Variants in MAGI2 observed in about 807,000 individuals in gnomAD.
The protein encoded by MAGI2 is membrane associated guanylate kinase, WW and PDZ domain containing 2, also known as membrane-associated guanylate kinase, WW and PDZ domain-containing protein 2.
A neutral mutation model predicts 133.3 loss-of-function variants in MAGI2; 35 were observed. That is an observed-to-expected ratio of 0.26 (90% CI 0.20 to 0.35). The LOEUF is 0.35. Among genes scored for constraint, MAGI2 ranks in the 10% least tolerant of loss-of-function variants. The pLI is 1.00. For missense variants in MAGI2, 1,636 were observed against 1,863.4 expected (o/e 0.88, Z 2.25); for synonymous variants, 729 against 710.6 (o/e 1.03, Z -0.41).
intron 20 of MAGI2, among the ~76,000 whole-genome samples, chr7:78,093,136 C>CAAAAAAA (rs1157039018): frequency 6.2e-5 from 2 of 32,320 alleles, no homozygotes; most frequent in African/African-American, 1.5e-4. Flanking sequence ...ACTCCTTCTC[C>CAAAAAAA]AAAAAAAAAA....
intron 2 of MAGI2, among the ~76,000 whole-genome samples, chr7:78,820,879 T>C (rs1224104926): frequency 1.3e-5 from 2 of 151,962 alleles, no homozygotes; most frequent in East Asian, 3.8e-4. Context: ...ATATAGTAAC[T>C]TATTGTGTTT....
At chr7:78,036,419 AT>A (rs1235677452) in intron 21 of MAGI2, among the ~76,000 whole-genome samples, 16 of 568 alleles carry the variant, frequency 0.028, no homozygotes, top group Non-Finnish European at 0.058. Flanking sequence ...AATAATAATG[AT>A]GGTAAAAAAA....
chr7:78,626,807 C>T (rs1196943104), intron 3 of MAGI2, among the ~76,000 whole-genome samples: 1 of 144,414 alleles, frequency 6.9e-6, no homozygotes, highest in African/African-American at 2.6e-5. Flanking sequence ...CCTCAGGAGA[C>T]AAGCACAAGA....
At chr7:78,301,633 T>C (rs1797834385) in intron 9 of MAGI2, among the ~76,000 whole-genome samples, 1 of 152,244 alleles carries the variant, frequency 6.6e-6, no homozygotes, top group South Asian at 2.1e-4. Flanking sequence ...CTTTGTTTCT[T>C]ATTCATTCTC....
At chr7:78,251,800 A>G (rs1407438014) in intron 10 of MAGI2, 2 of 152,234 alleles carry the variant, frequency 1.3e-5, no homozygotes, top group Admixed American at 1.3e-4. Flanking sequence ...TATAGATGCA[A>G]TGAAACACCC....
intron 1 of MAGI2, among the ~76,000 whole-genome samples, chr7:79,056,760 G>C (rs780616980): frequency 6.6e-5 from 10 of 152,160 alleles, no homozygotes; most frequent in Non-Finnish European, 8.8e-5. Context: ...ATATGTCACA[G>C]TATTCATTAG....
chr7:78,739,653 C>T lies in MAGI2; in HGVS notation c.419-112414G>A, dbSNP rs539005895. Among the ~76,000 whole-genome samples the T allele has an allele frequency of 8.3e-4, 126 of 152,258 alleles. 4 individuals are homozygous for T. In the South Asian group the frequency reaches 0.025, roughly 31 times the overall value. Reference sequence around the variant, plus strand: ...AGCTTCTATTGGCTTATAATTATTACCCAGAATCATTCCTAGGGCTTAAAC... The same window carrying T: ...AGCTTCTATTGGCTTATAATTATTATCCAGAATCATTCCTAGGGCTTAAAC... On this transcript the variant is annotated intron_variant, in intron 2 of 21. Coordinates refer to ENST00000354212, the MANE Select transcript of MAGI2 (RefSeq NM_012301.4).
chr7:78,776,205 A>C (rs1001188701), intron 2 of MAGI2, among the ~76,000 whole-genome samples: 2 of 152,256 alleles, frequency 1.3e-5, no homozygotes, highest in Non-Finnish European at 2.9e-5. Flanking sequence ...ATTAGCAAGT[A>C]AGAAGCAAAA....
chr7:78,101,963 T>TA (rs1405942730), intron 20 of MAGI2, among the ~76,000 whole-genome samples: 1 of 152,164 alleles, frequency 6.6e-6, no homozygotes, highest in East Asian at 1.9e-4. Context: ...ACAACCTAAG[T>TA]ATACATCAAC....
Position 78,504,267 on chromosome 7 carries a change from T to C in MAGI2, c.755-2480A>G, listed in dbSNP as rs116102384. Among the ~76,000 whole-genome samples, 478 of 152,242 alleles carry C rather than the reference T, an allele frequency of 3.1e-3. 4 individuals are homozygous for C. Among genetic ancestry groups the C allele is most frequent in the African/African-American group, 0.011 (461 of 41,560 alleles). On this transcript the variant is annotated intron_variant, in intron 4 of 21. Coordinates refer to ENST00000354212, the MANE Select transcript of MAGI2 (RefSeq NM_012301.4). ...GCCACCTTTTCATGGGATGAGATTATTGGGCAAATAATTTGGTCAAGGTGT... is the reference window on the plus strand; with the variant it reads ...GCCACCTTTTCATGGGATGAGATTACTGGGCAAATAATTTGGTCAAGGTGT...
intron 3 of MAGI2, among the ~76,000 whole-genome samples, chr7:78,573,158 A>G (rs1238714891): frequency 1.0e-5 from 1 of 99,170 alleles, no homozygotes; most frequent in Non-Finnish European, 1.9e-5. Context: ...TATAGGCTAT[A>G]TATATACACA....
chr7:78,246,567 C>T (rs1359899154), intron 10 of MAGI2, among the ~76,000 whole-genome samples: 3 of 152,102 alleles, frequency 2.0e-5, no homozygotes, highest in South Asian at 2.1e-4. Context: ...AAACCCTTCA[C>T]TGGGGAGTAA....
chr7:78,031,349 G>A (rs1809549140), intron 21 of MAGI2, among the ~76,000 whole-genome samples: 1 of 152,180 alleles, frequency 6.6e-6, no homozygotes, highest in Admixed American at 6.5e-5. Flanking sequence ...AAATTTTAAT[G>A]TATGTAAATA....
At chr7:78,241,591 T>C (rs2150907798) in intron 10 of MAGI2, among the ~76,000 whole-genome samples, 1 of 152,232 alleles carries the variant, frequency 6.6e-6, no homozygotes, top group African/African-American at 2.4e-5. Context: ...GTGGCTTGAG[T>C]ATACCTCACA....
intron 10 of MAGI2, 102 bp downstream of exon 10, chr7:78,255,841 T>A (rs1363312486): frequency 8.3e-7 from 1 of 1,197,836 alleles, no homozygotes; most frequent in Non-Finnish European, 1.2e-6. Flanking sequence ...TTTTAAAGTA[T>A]AATTTCATTC....
At chr7:78,920,738 T>C (rs368758205) in intron 2 of MAGI2, among the ~76,000 whole-genome samples, 2 of 152,224 alleles carry the variant, frequency 1.3e-5, no homozygotes, top group South Asian at 4.1e-4. Flanking sequence ...AAGAAAAATA[T>C]TAGTCTCTAT....
intron 6 of MAGI2, among the ~76,000 whole-genome samples, chr7:78,428,380 G>A (rs1201936074): frequency 6.6e-6 from 1 of 152,144 alleles, no homozygotes; most frequent in Non-Finnish European, 1.5e-5. Context: ...TGTTTATCTT[G>A]AAAATAAGAA....
intron 1 of MAGI2, among the ~76,000 whole-genome samples, chr7:79,420,827 T>C (rs1846905673): frequency 6.6e-6 from 1 of 152,028 alleles, no homozygotes; most frequent in Non-Finnish European, 1.5e-5. Flanking sequence ...CATATGAACT[T>C]GGACATTTCT....
At chr7:78,995,303 T>C (rs548254119) in intron 2 of MAGI2, among the ~76,000 whole-genome samples, 1 of 152,280 alleles carries the variant, frequency 6.6e-6, no homozygotes, top group East Asian at 1.9e-4. Flanking sequence ...TTAGATAATG[T>C]AGATTCCTTT....
Sources: allele counts gnomAD v4.1 joint callset (sites outside exome capture counted in the v4.1 genomes callset), GRCh38; gene constraint gnomAD v4.1.1; transcripts MANE v1.5; gene names NCBI Gene and HGNC (gene_info 2026-07-23, HGNC 2026-07-21).